LRRC9: variants seen among roughly 807,000 people sequenced by gnomAD.
LRRC9 encodes the protein leucine rich repeat containing 9.
A neutral mutation model predicts 63.2 loss-of-function variants in LRRC9; 122 were observed. That is an observed-to-expected ratio of 1.93 (90% CI 1.67 to 2.24). The LOEUF is 2.24. Among genes scored for constraint, LRRC9 ranks in the 30% most tolerant of loss-of-function variants. LRRC9 has a pLI of 0.00. For synonymous variants in LRRC9, 366 were observed against 213.1 expected, an observed-to-expected ratio of 1.72 and a Z score of -6.25; for missense variants, 1,071 against 627.7, an observed-to-expected ratio of 1.71 and a Z score of -7.55.
intron 29 of LRRC9, among the ~76,000 whole-genome samples, chr14:60,041,939 C>T (rs574496399): frequency 6.6e-6 from 1 of 152,116 alleles, no homozygotes; most frequent in African/African-American, 2.4e-5. Context: ...GTATGGATGT[C>T]CTTTCTGTTT....
chr14:59,977,781 A>G (rs1295293436), intron 14 of LRRC9, among the ~76,000 whole-genome samples: 1 of 152,098 alleles, frequency 6.6e-6, no homozygotes, highest in African/African-American at 2.4e-5. Flanking sequence ...TATAATTAAA[A>G]AGTATTTATA....
rs183218146 is a variant in LRRC9, at chr14:60,038,120, T to C, written c.3990+6057T>C. On this transcript the variant is annotated intron_variant, in intron 29 of 31. Coordinates refer to ENST00000445360, the Ensembl canonical transcript of LRRC9. ...CAGGGGCTCTATTCTGTTCCATTGG[T>C]CTATATCTCTGTTTTGGTACCAGTA... 1.3e-4 allele frequency among the ~76,000 whole-genome samples: 20 copies of C among 152,312 alleles called. No individual in the cohort carries two copies. The East Asian group carries it at 3.9e-3, about 29-fold the overall frequency.
At chr14:59,946,407 TTAAG>T (rs1391253863) in intron 8 of LRRC9, among the ~76,000 whole-genome samples, 1 of 151,580 alleles carries the variant, frequency 6.6e-6, no homozygotes, top group East Asian at 1.9e-4. Flanking sequence ...AATGCATGTA[TTAAG>T]TAAAATCTGC....
rs139619243 is a variant in LRRC9, at chr14:59,929,428, CAG to C, written c.267+944_267+945del. On this transcript the variant is annotated intron_variant, in intron 3 of 31. Coordinates refer to ENST00000445360, the Ensembl canonical transcript of LRRC9. ...TATTAAAAAGTCAAAAAAAAAATAA[CAG>C]ATGCTGGCAAAGTTGTGGAGAAAAA... Among the ~76,000 whole-genome samples, 509 of 150,216 alleles carry C rather than the reference CAG, an allele frequency of 3.4e-3. 18 individuals are homozygous for C. The East Asian group carries it at 0.059, about 17-fold the overall frequency.
chr14:60,046,131 T>A (rs1165714199), intron 29 of LRRC9, among the ~76,000 whole-genome samples: 1 of 152,234 alleles, frequency 6.6e-6, no homozygotes, highest in East Asian at 1.9e-4. Flanking sequence ...TGCTTTTTTC[T>A]TGTAAATTTG....
intron 13 of LRRC9, among the ~76,000 whole-genome samples, chr14:59,976,206 T>C (rs995489609): frequency 6.6e-6 from 1 of 152,246 alleles, no homozygotes; most frequent in African/African-American, 2.4e-5. Context: ...TGGTGAGTTA[T>C]ATAATTATTT....
At chr14:59,999,040 C>G (rs1321179456) in intron 18 of LRRC9, 61 bp from the exon 19 acceptor site, 2 of 558,420 alleles carry the variant, frequency 3.6e-6, no homozygotes, top group African/African-American at 3.8e-5. Flanking sequence ...TGAAAACAGT[C>G]ATTTTCATGC....
intron 17 of LRRC9, among the ~76,000 whole-genome samples, chr14:59,991,467 G>A (rs527329240): frequency 1.3e-5 from 2 of 152,246 alleles, no homozygotes; most frequent in East Asian, 3.9e-4. Flanking sequence ...CGGAAAGTGG[G>A]TGCAGAACAG....
exon 19 of LRRC9, chr14:59,999,145 T>C (rs1264931666): frequency 1.4e-6 from 1 of 701,056 alleles, no homozygotes; most frequent in African/African-American, 1.7e-5. Context: ...TAAAGACTCT[T>C]ACCCATTTAA....
intron 7 of LRRC9, among the ~76,000 whole-genome samples, chr14:59,940,638 T>A (rs1366643188): frequency 6.6e-6 from 1 of 152,074 alleles, no homozygotes; most frequent in African/African-American, 2.4e-5. Flanking sequence ...ATGAAAATAG[T>A]ATCTGCTTTT....
intron 13 of LRRC9, among the ~76,000 whole-genome samples, chr14:59,975,089 GTATATATATATACATA>G (rs1566833265): frequency 3.0e-5 from 1 of 33,164 alleles, no homozygotes; most frequent in Non-Finnish European, 8.7e-5. Context: ...TGTGTGTAGT[GTATATATATATACATA>G]TATATATGTA....
intron 12 of LRRC9, among the ~76,000 whole-genome samples, chr14:59,970,532 A>G (rs764905666): frequency 3.9e-5 from 6 of 152,116 alleles, no homozygotes; most frequent in Non-Finnish European, 8.8e-5. Context: ...GGTTGAACCA[A>G]TTTACACTTC....
At chr14:59,976,010 A>C (rs1001575713) in intron 13 of LRRC9, among the ~76,000 whole-genome samples, 1 of 152,216 alleles carries the variant, frequency 6.6e-6, no homozygotes, top group Non-Finnish European at 1.5e-5. Flanking sequence ...CTGTCACATC[A>C]GTGGCAGCAT....
At chr14:60,015,980 G>A (rs1038718135) in intron 23 of LRRC9, among the ~76,000 whole-genome samples, 2 of 152,090 alleles carry the variant, frequency 1.3e-5, no homozygotes, top group African/African-American at 2.4e-5. Context: ...GCTGTGCTAG[G>A]CTTCCCCTTT....
At chr14:60,000,538 T>C (rs544545181) in intron 19 of LRRC9, among the ~76,000 whole-genome samples, 1 of 152,192 alleles carries the variant, frequency 6.6e-6, no homozygotes, top group Non-Finnish European at 1.5e-5. Flanking sequence ...AATAGACCAA[T>C]GGAACAGAAT....
chr14:60,028,454 T>C (rs1355908402), intron 28 of LRRC9, among the ~76,000 whole-genome samples: 1 of 152,082 alleles, frequency 6.6e-6, no homozygotes, highest in East Asian at 1.9e-4. Flanking sequence ...CCCTTAAACT[T>C]GTCATATGTA....
Position 59,966,135 on chromosome 14 carries a change from T to G in LRRC9, c.1212-454T>G, listed in dbSNP as rs117060416. ...TCAAGTCTGGGTATAACCAGCTAAG[T>G]TGAGTAGAGATCAAGACTAGAAATA... On this transcript the variant is annotated intron_variant, in intron 10 of 31. Transcript: ENST00000445360. The surrounding 1 kb of genome is among the most constrained non-coding windows in gnomAD (Gnocchi z 4.0). Among the ~76,000 whole-genome samples the G allele has an allele frequency of 0.016, 2,418 of 151,986 alleles. 33 individuals are homozygous for G. Among genetic ancestry groups the G allele is most frequent in the Middle Eastern group, 0.034 (10 of 294 alleles).
chr14:60,017,838 C>G lies in LRRC9; in HGVS notation c.3318-533C>G, dbSNP rs1368511384. Reference sequence around the variant, plus strand: ...GGAATCAAGCATTCTGTTTAATTACCAAAATGTTCACACAGGGTGGAATGC... The same window carrying G: ...GGAATCAAGCATTCTGTTTAATTACGAAAATGTTCACACAGGGTGGAATGC... On this transcript the variant is annotated intron_variant, in intron 24 of 31. Transcript: ENST00000445360. This position sits in a 1 kb window ranked among gnomAD's most constrained non-coding sequence, Gnocchi z 4.0. Among the ~76,000 whole-genome samples, 1 of 152,006 alleles carries G rather than the reference C, an allele frequency of 6.6e-6. No homozygotes were observed. The highest frequency in any genetic ancestry group is 1.5e-5 in the Non-Finnish European group (1 of 67,966).
intron 29 of LRRC9, among the ~76,000 whole-genome samples, chr14:60,039,681 C>A (rs1040253199): frequency 6.6e-6 from 1 of 151,766 alleles, no homozygotes. Flanking sequence ...TTGCTAGTGG[C>A]CTATCAGTTT....
Sources: gnomAD v4.1 joint callset for allele counts (sites outside exome capture counted in the v4.1 genomes callset) on GRCh38, gnomAD v4.1.1 for gene constraint, Gnocchi (gnomAD v3.1) non-coding constraint, MANE v1.5 for transcripts, NCBI Gene and HGNC (gene_info 2026-07-23, HGNC 2026-07-21) for gene names.